Variants in RNF150 observed in about 807,000 individuals in gnomAD.
The protein encoded by RNF150 is ring finger protein 150.
In RNF150, 24 loss-of-function variants were observed where a neutral mutation model predicts 39.3. The observed-to-expected ratio is 0.61, with a 90% CI of 0.44 to 0.86. The LOEUF (loss-of-function observed/expected upper bound fraction) is 0.86, where lower values mean the gene tolerates loss of function less well. Among genes scored for constraint, RNF150 ranks in the 40% least tolerant of loss-of-function variants. The pLI, the probability that RNF150 is intolerant of heterozygous loss-of-function variation, is 0.00. For missense variants in RNF150, 502 were observed against 587.8 expected (o/e 0.85, Z 1.51); for synonymous variants, 255 against 227.3 (o/e 1.12, Z -1.10).
chr4:141,044,799 A>AC (rs1560706759), intron 1 of RNF150, among the ~76,000 whole-genome samples: 1 of 127,138 alleles, frequency 7.9e-6, no homozygotes, highest in South Asian at 2.5e-4. Flanking sequence ...ACACACACAC[A>AC]ATTCATGTGA....
At chr4:141,018,664 C>A (rs892526185) in intron 1 of RNF150, among the ~76,000 whole-genome samples, 1 of 152,092 alleles carries the variant, frequency 6.6e-6, no homozygotes, top group African/African-American at 2.4e-5. Context: ...GAGTTTCCAT[C>A]CAGATCCAGG....
At chr4:140,888,522 A>G (rs1231629537) in intron 6 of RNF150, among the ~76,000 whole-genome samples, 1 of 152,244 alleles carries the variant, frequency 6.6e-6, no homozygotes, top group Non-Finnish European at 1.5e-5. Context: ...TTTGTAATAA[A>G]TATTTGTCCT....
At chr4:141,030,590 T>G (rs1223874645) in intron 1 of RNF150, among the ~76,000 whole-genome samples, 2 of 152,136 alleles carry the variant, frequency 1.3e-5, no homozygotes, top group Non-Finnish European at 2.9e-5. Context: ...TAAAATGTGG[T>G]TTACACATAT....
intron 2 of RNF150, among the ~76,000 whole-genome samples, chr4:140,966,182 A>T (rs1733235645): frequency 1.3e-5 from 2 of 152,038 alleles, no homozygotes; most frequent in Non-Finnish European, 2.9e-5. Flanking sequence ...TGAAAAAACA[A>T]AACAAAAATT....
chr4:140,878,715 A>T (rs1176637935), intron 6 of RNF150, among the ~76,000 whole-genome samples: 1 of 151,882 alleles, frequency 6.6e-6, no homozygotes, highest in Non-Finnish European at 1.5e-5. Context: ...TTGTCTTTTC[A>T]CTCTGTTGAC....
At chr4:140,967,192 A>T (rs967624656) in intron 2 of RNF150, among the ~76,000 whole-genome samples, 1 of 152,162 alleles carries the variant, frequency 6.6e-6, no homozygotes, top group African/African-American at 2.4e-5. Context: ...TTTTCATTAT[A>T]CGCCATGTGA....
At chr4:140,967,340 T>C (rs539534771) in intron 2 of RNF150, among the ~76,000 whole-genome samples, 1 of 152,250 alleles carries the variant, frequency 6.6e-6, no homozygotes, top group East Asian at 1.9e-4. Context: ...CTTCACACTA[T>C]TAGCACTTCC....
intron 1 of RNF150, among the ~76,000 whole-genome samples, chr4:141,141,726 G>A (rs1578763867): frequency 6.6e-6 from 1 of 152,152 alleles, no homozygotes; most frequent in Admixed American, 6.5e-5. Flanking sequence ...GCTTGAACCC[G>A]GGAGGTGGAG....
intron 1 of RNF150, among the ~76,000 whole-genome samples, chr4:141,160,117 C>G (rs763586474): frequency 2.6e-5 from 4 of 152,186 alleles, no homozygotes; most frequent in Non-Finnish European, 5.9e-5. Context: ...GTTCAGCAAT[C>G]TGTGTTTTCA....
intron 1 of RNF150, among the ~76,000 whole-genome samples, chr4:141,151,275 G>A (rs1727291953): frequency 6.6e-6 from 1 of 151,970 alleles, no homozygotes; most frequent in African/African-American, 2.4e-5. Flanking sequence ...TATAAGAGTT[G>A]TTAGAATAAA....
rs1726949079 is a variant in RNF150, at chr4:141,133,044, CGCCCGGGGGGCGCGGGAACAGAGG to C, written c.-260_-237del. 1 of 435,210 alleles carries C rather than the reference CGCCCGGGGGGCGCGGGAACAGAGG, an allele frequency of 2.3e-6. No individual in the cohort carries two copies. The highest frequency in any genetic ancestry group is 2.1e-5 in the African/African-American group (1 of 46,710). The allele number at this position is 435,210 out of a possible 1,614,324, so 27.0% of individuals were successfully genotyped here. Reference sequence around the variant, plus strand: ...CGGTGGTTGCATTTTGCTTCTTGGGCGCCCGGGGGGCGCGGGAACAGAGGGCCCGCGGGGCTTGCGGAGGAGTCC... The same window carrying C: ...CGGTGGTTGCATTTTGCTTCTTGGGCGCCCGCGGGGCTTGCGGAGGAGTCC... On this transcript the variant is annotated 5_prime_UTR_variant, in exon 1 of 7. Coordinates refer to ENST00000515673, the MANE Select transcript of RNF150 (RefSeq NM_020724.2).
At chr4:141,012,636 A>G (rs1163918962) in intron 1 of RNF150, among the ~76,000 whole-genome samples, 1 of 151,916 alleles carries the variant, frequency 6.6e-6, no homozygotes, top group Non-Finnish European at 1.5e-5. Context: ...AACATGGTGA[A>G]GCCGGGAGTG....
At chr4:141,071,290 A>C (rs1272743469) in intron 1 of RNF150, among the ~76,000 whole-genome samples, 2 of 149,306 alleles carry the variant, frequency 1.3e-5, no homozygotes, top group East Asian at 4.0e-4. Flanking sequence ...CTAGATGACG[A>C]GTTGGTGGGT....
At chr4:141,048,212 C>T (rs1473148976) in intron 1 of RNF150, among the ~76,000 whole-genome samples, 2 of 152,196 alleles carry the variant, frequency 1.3e-5, no homozygotes, top group African/African-American at 2.4e-5. Context: ...CTGTAACATG[C>T]CATCTCTTGG....
chr4:141,198,634 A>AAGTATACTTC (rs1728243178), intron 1 of RNF150, among the ~76,000 whole-genome samples: 1 of 152,236 alleles, frequency 6.6e-6, no homozygotes, highest in Non-Finnish European at 1.5e-5. Flanking sequence ...GACTAAACAG[A>AAGTATACTTC]AGTATACTTC....
At chr4:140,973,278 G>A (rs1733532904) in intron 1 of RNF150, among the ~76,000 whole-genome samples, 1 of 152,168 alleles carries the variant, frequency 6.6e-6, no homozygotes, top group Non-Finnish European at 1.5e-5. Flanking sequence ...TAAGTAATCT[G>A]TGGTTTACTT....
intron 1 of RNF150, among the ~76,000 whole-genome samples, chr4:140,973,359 A>G (rs1412592714): frequency 1.3e-5 from 2 of 152,136 alleles, no homozygotes; most frequent in Non-Finnish European, 2.9e-5. Context: ...ACTCAGTTAT[A>G]TTTGTAATAC....
chr4:141,090,269 G>C (rs944317466), intron 1 of RNF150, among the ~76,000 whole-genome samples: 8 of 152,190 alleles, frequency 5.3e-5, no homozygotes, highest in African/African-American at 1.7e-4. Context: ...ATTTTCATGA[G>C]AGGGAAGCTT....
At chr4:140,989,983 A>G (rs1045341306) in intron 1 of RNF150, among the ~76,000 whole-genome samples, 2 of 152,340 alleles carry the variant, frequency 1.3e-5, no homozygotes, top group East Asian at 3.9e-4. Context: ...CAAGTAACCA[A>G]AATTAAAAAA....
Sources: gnomAD v4.1 joint callset for allele counts (sites outside exome capture counted in the v4.1 genomes callset) on GRCh38, gnomAD v4.1.1 for gene constraint, MANE v1.5 for transcripts, NCBI Gene and HGNC (gene_info 2026-07-23, HGNC 2026-07-21) for gene names.